ZMYND11: variants seen among roughly 807,000 people sequenced by gnomAD.
ZMYND11 encodes the protein zinc finger MYND domain-containing protein 11.
In ZMYND11, 9 loss-of-function variants were observed where a neutral mutation model predicts 84.9. That is an observed-to-expected ratio of 0.11 (90% CI 0.06 to 0.18). The LOEUF is 0.18. Ranked by LOEUF, ZMYND11 falls within the 10% of genes least tolerant of loss-of-function variation. The pLI is 1.00. For synonymous variants in ZMYND11, 250 were observed against 244.1 expected (o/e 1.02, Z -0.23); for missense variants, 409 against 761.0 (o/e 0.54, Z 5.44).
At chr10:164,553 G>C (rs918606097) in intron 1 of ZMYND11, among the ~76,000 whole-genome samples, 2 of 152,142 alleles carry the variant, frequency 1.3e-5, no homozygotes, top group African/African-American at 4.8e-5. Context: ...TAAAGAAAAA[G>C]AAAGCATAGC....
At chr10:136,029 A>G (rs1225353554) in intron 1 of ZMYND11, among the ~76,000 whole-genome samples, 2 of 151,646 alleles carry the variant, frequency 1.3e-5, no homozygotes, top group African/African-American at 4.8e-5. Flanking sequence ...TCGGCGCGGC[A>G]CGTCGTGTGC....
intron 2 of ZMYND11, among the ~76,000 whole-genome samples, chr10:181,621 A>G (rs916007242): frequency 6.6e-6 from 1 of 152,214 alleles, no homozygotes; most frequent in Non-Finnish European, 1.5e-5. Context: ...CTGTCTCACA[A>G]CAAACCAACA....
chr10:206,134 T>TGGATCACCTGA (rs1944120540), intron 2 of ZMYND11, among the ~76,000 whole-genome samples: 2 of 151,030 alleles, frequency 1.3e-5, no homozygotes, highest in African/African-American at 4.9e-5. Context: ...CCGAGGCGGG[T>TGGATCACCTGA]GGATCACCTG....
intron 6 of ZMYND11, among the ~76,000 whole-genome samples, 168 bp from the exon 7 acceptor site, chr10:239,270 G>A (rs1164722384): frequency 6.6e-6 from 1 of 152,316 alleles, no homozygotes; most frequent in African/African-American, 2.4e-5. Context: ...TATTAAAACC[G>A]CAGGTGGCGT....
At chr10:233,377 A>C (rs747196434) in intron 4 of ZMYND11, among the ~76,000 whole-genome samples, 7 of 152,318 alleles carry the variant, frequency 4.6e-5, no homozygotes, top group Non-Finnish European at 8.8e-5. Flanking sequence ...CCCTCTCCCC[A>C]GACAGCCATT....
intron 3 of ZMYND11, among the ~76,000 whole-genome samples, chr10:213,508 G>A (rs1295341175): frequency 6.6e-6 from 1 of 152,160 alleles, no homozygotes; most frequent in Non-Finnish European, 1.5e-5. Flanking sequence ...GGCATAGGAT[G>A]TTTTTGGTTA....
At chr10:188,767 T>C (rs527903270) in intron 2 of ZMYND11, among the ~76,000 whole-genome samples, 77 of 152,320 alleles carry the variant, frequency 5.1e-4, no homozygotes, top group African/African-American at 1.8e-3. Flanking sequence ...GACTTGGCTT[T>C]AGAGGTTTAT....
chr10:240,460 C>T (rs371867936), intron 8 of ZMYND11, among the ~76,000 whole-genome samples: 36 of 152,306 alleles, frequency 2.4e-4, no homozygotes, highest in East Asian at 5.8e-4. Flanking sequence ...GCCAAGATTG[C>T]GCCACTGCAC....
At chr10:196,876 A>G (rs1476605984) in intron 2 of ZMYND11, among the ~76,000 whole-genome samples, 1 of 152,270 alleles carries the variant, frequency 6.6e-6, no homozygotes. Context: ...TTCTGCCAGT[A>G]CAACATGTAA....
chr10:179,739 T>G (rs1847438345), intron 1 of ZMYND11, among the ~76,000 whole-genome samples: 1 of 152,230 alleles, frequency 6.6e-6, no homozygotes, highest in African/African-American at 2.4e-5. Context: ...TGGTATGAAG[T>G]GACCACTTAT....
chr10:171,876 C>G (rs1047256442), intron 1 of ZMYND11, among the ~76,000 whole-genome samples: 2 of 152,178 alleles, frequency 1.3e-5, no homozygotes, highest in Non-Finnish European at 2.9e-5. Flanking sequence ...GAAGTCCTAG[C>G]TGTCTTACTC....
At chr10:165,517 G>A (rs1384549143) in intron 1 of ZMYND11, among the ~76,000 whole-genome samples, 1 of 152,070 alleles carries the variant, frequency 6.6e-6, no homozygotes, top group African/African-American at 2.4e-5. Flanking sequence ...AACTTAGTCT[G>A]TCTGAAACCA....
intron 3 of ZMYND11, among the ~76,000 whole-genome samples, chr10:214,957 G>A (rs1455783326): frequency 6.6e-6 from 1 of 152,166 alleles, no homozygotes; most frequent in Non-Finnish European, 1.5e-5. Flanking sequence ...CTAAAGATGA[G>A]AAGGTCTTAA....
intron 2 of ZMYND11, among the ~76,000 whole-genome samples, chr10:198,940 A>C (rs999359599): frequency 2.0e-5 from 3 of 152,188 alleles, no homozygotes; most frequent in African/African-American, 7.2e-5. Flanking sequence ...ATGCACACCA[A>C]GCTCTTTCCA....
chr10:250,090 CTTCTTT>C (rs1464725173), intron 14 of ZMYND11, among the ~76,000 whole-genome samples: 1 of 152,166 alleles, frequency 6.6e-6, no homozygotes, highest in Middle Eastern at 3.2e-3. Context: ...TTTCCATGTT[CTTCTTT>C]AAGAAATTTC....
chr10:249,496 C>CTT (rs1158273513), intron 14 of ZMYND11: 2 of 984,650 alleles, frequency 2.0e-6, no homozygotes, highest in African/African-American at 3.5e-5. Flanking sequence ...TTTCCCTGCA[C>CTT]TTAACATTTA....
At chr10:145,858 T>C (rs1022557266) in intron 1 of ZMYND11, among the ~76,000 whole-genome samples, 4 of 152,214 alleles carry the variant, frequency 2.6e-5, no homozygotes, top group African/African-American at 9.6e-5. Flanking sequence ...ATGATTATTT[T>C]CTTTGCTGTG....
intron 2 of ZMYND11, among the ~76,000 whole-genome samples, chr10:205,003 A>G (rs1308916404): frequency 3.3e-5 from 5 of 152,018 alleles, no homozygotes; most frequent in Non-Finnish European, 7.4e-5. Context: ...ATTACATGCT[A>G]GATTCCTTGC....
rs191628370 is a variant in ZMYND11, at chr10:145,803, A to C, written c.-20+10244A>C. ...TGGATACCAGTCCTTTGTCAGATGC[A>C]TAGTTTCCAAATATTTTCTCCCATT... On this transcript the variant is annotated intron_variant, in intron 1 of 14. Transcript: ENST00000381604. Among the ~76,000 whole-genome samples the C allele has an allele frequency of 7.2e-4, 109 of 152,204 alleles. 1 individual carries two copies. In the Middle Eastern group the frequency reaches 0.02, roughly 28 times the overall value.
Sources: allele counts gnomAD v4.1 joint callset (sites outside exome capture counted in the v4.1 genomes callset), GRCh38; gene constraint gnomAD v4.1.1; transcripts MANE v1.5; gene names NCBI Gene and HGNC (gene_info 2026-07-23, HGNC 2026-07-21).